Variants in EBF2 observed in about 807,000 individuals in gnomAD.
EBF2 encodes the protein transcription factor COE2.
A neutral mutation model predicts 72.8 loss-of-function variants in EBF2; 21 were observed. That is an observed-to-expected ratio of 0.29 (90% CI 0.20 to 0.42). The LOEUF is 0.42. Among genes scored for constraint, EBF2 ranks in the 10% least tolerant of loss-of-function variants. The pLI is 1.00. For missense variants in EBF2, 637 were observed against 731.2 expected (o/e 0.87, Z 1.49); for synonymous variants, 299 against 274.2 (o/e 1.09, Z -0.89).
chr8:25,995,975 T>C (rs1449204413), intron 6 of EBF2, among the ~76,000 whole-genome samples: 1 of 152,076 alleles, frequency 6.6e-6, no homozygotes, highest in Non-Finnish European at 1.5e-5. Context: ...TCCTTGCTGT[T>C]TGGCAAATAA....
At chr8:26,024,001 G>A (rs1477388655) in intron 6 of EBF2, among the ~76,000 whole-genome samples, 1 of 152,122 alleles carries the variant, frequency 6.6e-6, no homozygotes, top group Non-Finnish European at 1.5e-5. Context: ...CGCTAACAAA[G>A]TAATGTCAAA....
chr8:25,881,888 T>G (rs973916955), intron 10 of EBF2, among the ~76,000 whole-genome samples: 16 of 152,062 alleles, frequency 1.1e-4, no homozygotes, highest in African/African-American at 3.9e-4. Flanking sequence ...GCTGGGGCAG[T>G]TGGAGGAGAA....
chr8:25,993,968 A>G (rs1408759592), intron 6 of EBF2, among the ~76,000 whole-genome samples: 1 of 152,196 alleles, frequency 6.6e-6, no homozygotes, highest in Non-Finnish European at 1.5e-5. Context: ...GAAAAGGAAG[A>G]CCTCAGAGAA....
rs571474832 is a variant in EBF2, at chr8:25,867,869, C to G, written c.1010-5072G>C. On this transcript the variant is annotated intron_variant, in intron 10 of 15. Coordinates refer to ENST00000520164, the MANE Select transcript of EBF2 (RefSeq NM_022659.4). ...CAGAAACCTTGAATTCATTGTTTCT[C>G]AATATCATTGTATTTTTTCTAGAAA... Among the ~76,000 whole-genome samples the G allele has an allele frequency of 5.9e-5, 9 of 152,208 alleles. No individual in the cohort carries two copies. In the East Asian group the frequency reaches 1.5e-3, roughly 26 times the overall value.
intron 10 of EBF2, among the ~76,000 whole-genome samples, chr8:25,865,201 A>G (rs925433354): frequency 1.3e-5 from 2 of 152,198 alleles, no homozygotes; most frequent in African/African-American, 4.8e-5. Context: ...GAGAAAATGG[A>G]TGGCTTTGCA....
chr8:25,949,615 T>A (rs1319383769), intron 6 of EBF2, among the ~76,000 whole-genome samples: 1 of 152,054 alleles, frequency 6.6e-6, no homozygotes, highest in Non-Finnish European at 1.5e-5. Flanking sequence ...AGAAGGGCAA[T>A]AAAAGAAGAC....
chr8:25,860,951 T>A, intron 13 of EBF2, 98 bp downstream of exon 13: 2 of 1,311,384 alleles, frequency 1.5e-6, no homozygotes, highest in Non-Finnish European at 2.2e-6. Context: ...GTGGACACAC[T>A]CTGTTGGACC....
chr8:26,017,484 T>C (rs985045347), intron 6 of EBF2, among the ~76,000 whole-genome samples: 5 of 151,904 alleles, frequency 3.3e-5, no homozygotes, highest in Non-Finnish European at 5.9e-5. Context: ...TCACAGGAGG[T>C]CTCTGGGGTC....
chr8:26,006,720 G>A (rs1385789999), intron 6 of EBF2, among the ~76,000 whole-genome samples: 1 of 152,176 alleles, frequency 6.6e-6, no homozygotes, highest in Non-Finnish European at 1.5e-5. Context: ...GTGAGACAGG[G>A]CACACGGCCA....
intron 6 of EBF2, among the ~76,000 whole-genome samples, chr8:25,989,357 T>A (rs1804510607): frequency 6.6e-6 from 1 of 152,206 alleles, no homozygotes; most frequent in South Asian, 2.1e-4. Context: ...AGGCAAGGTT[T>A]TGGCTTGCAA....
chr8:26,031,454 C>T (rs1463236727), intron 6 of EBF2: 1 of 106,938 alleles, frequency 9.4e-6, no homozygotes, highest in Non-Finnish European at 1.7e-5. Flanking sequence ...TTTTTTGAGA[C>T]AGAGTCTCAC....
At chr8:26,026,399 A>T (rs1454194177) in intron 6 of EBF2, among the ~76,000 whole-genome samples, 1 of 152,192 alleles carries the variant, frequency 6.6e-6, no homozygotes, top group Non-Finnish European at 1.5e-5. Flanking sequence ...TGTATTAGTC[A>T]CCCATGAACC....
intron 6 of EBF2, among the ~76,000 whole-genome samples, chr8:26,001,251 C>T (rs747965859): frequency 1.3e-5 from 2 of 151,862 alleles, no homozygotes; most frequent in Non-Finnish European, 2.9e-5. Context: ...TCTTATAAGA[C>T]CAGCTCCTGC....
chr8:25,893,373 G>GC (rs1218083262), intron 7 of EBF2, among the ~76,000 whole-genome samples: 18 of 142,612 alleles, frequency 1.3e-4, no homozygotes, highest in African/African-American at 4.9e-4. Flanking sequence ...CACAACCTCT[G>GC]CCTCCCAGGT....
intron 10 of EBF2, among the ~76,000 whole-genome samples, chr8:25,870,364 G>A (rs1047800165): frequency 1.3e-5 from 2 of 151,772 alleles, no homozygotes; most frequent in African/African-American, 2.4e-5. Flanking sequence ...AAACTAAACA[G>A]ATAACCCATA....
At chr8:26,001,236 CTG>C (rs1804719388) in intron 6 of EBF2, among the ~76,000 whole-genome samples, 1 of 152,112 alleles carries the variant, frequency 6.6e-6, no homozygotes, top group East Asian at 1.9e-4. Context: ...GACATACAGT[CTG>C]TGTCTTATAA....
At chr8:26,023,771 G>A (rs757233550) in intron 6 of EBF2, among the ~76,000 whole-genome samples, 28 of 152,158 alleles carry the variant, frequency 1.8e-4, no homozygotes, top group Non-Finnish European at 3.5e-4. Flanking sequence ...AAGCTTTGGA[G>A]TGGTGAGTGT....
At chr8:25,999,969 C>A (rs1804697273) in intron 6 of EBF2, among the ~76,000 whole-genome samples, 2 of 152,276 alleles carry the variant, frequency 1.3e-5, no homozygotes, top group African/African-American at 4.8e-5. Flanking sequence ...GGCAGTAGCA[C>A]TAGCAACTCA....
chr8:25,864,492 A>G (rs1009299570), intron 10 of EBF2, among the ~76,000 whole-genome samples: 2 of 124,730 alleles, frequency 1.6e-5, no homozygotes, highest in Admixed American at 1.6e-4. Context: ...GAACTGGTAG[A>G]TACACACAAA....
Sources: gnomAD v4.1 joint callset for allele counts (sites outside exome capture counted in the v4.1 genomes callset) on GRCh38, gnomAD v4.1.1 for gene constraint, MANE v1.5 for transcripts, NCBI Gene and HGNC (gene_info 2026-07-23, HGNC 2026-07-21) for gene names.